The following ERC2 variants were observed in gnomAD, a reference collection of about 807,000 sequenced individuals.
The protein encoded by ERC2 is ELKS/RAB6-interacting/CAST family member 2.
In ERC2, 42 loss-of-function variants were observed where a neutral mutation model predicts 114.8. The observed-to-expected ratio is 0.37, with a 90% CI of 0.29 to 0.47. The LOEUF is 0.47. Ranked by LOEUF, ERC2 falls within the 20% of genes least tolerant of loss-of-function variation. ERC2 has a pLI of 0.99. For synonymous variants in ERC2, 454 were observed against 425.5 expected (o/e 1.07, Z -0.82); for missense variants, 939 against 1,150.7 (o/e 0.82, Z 2.66).
chr3:55,576,336 TAAA>T (rs1202514816), intron 17 of ERC2, among the ~76,000 whole-genome samples: 88 of 150,446 alleles, frequency 5.8e-4, no homozygotes, highest in African/African-American at 2.1e-3. Flanking sequence ...AAATCCAAAA[TAAA>T]AACATTAATG....
Position 55,940,308 on chromosome 3 carries a change from GA to G in ERC2, c.2403+10116del, listed in dbSNP as rs923198209. 1.5e-4 allele frequency among the ~76,000 whole-genome samples: 22 copies of G among 151,182 alleles called. No homozygotes were observed. The South Asian group carries it at 4.2e-3, about 29-fold the overall frequency. On this transcript the variant is annotated intron_variant, in intron 13 of 17. Transcript: ENST00000288221. The stretch of plus-strand genomic sequence containing the variant: ...GTAGATGAGAAAACTGAGGCTTAGA[GA>G]AAAAAAAATCACTCGAGCCTAGACT...
chr3:55,981,672 G>A (rs564603346), intron 12 of ERC2, among the ~76,000 whole-genome samples: 38 of 152,298 alleles, frequency 2.5e-4, no homozygotes, highest in Non-Finnish European at 4.3e-4. Flanking sequence ...AAGTTCAGAT[G>A]AAGATCTTTT....
chr3:56,243,228 C>T (rs1291538805), intron 3 of ERC2, among the ~76,000 whole-genome samples: 1 of 152,158 alleles, frequency 6.6e-6, no homozygotes, highest in Non-Finnish European at 1.5e-5. Context: ...ATCTGTTGGG[C>T]ATGTTCTCTG....
intron 4 of ERC2, among the ~76,000 whole-genome samples, chr3:56,154,732 T>C (rs2081602024): frequency 6.6e-6 from 1 of 152,152 alleles, no homozygotes; most frequent in Non-Finnish European, 1.5e-5. Context: ...TGGATGCAAA[T>C]CCTAGTTCAG....
chr3:56,198,723 A>G (rs1417551123), intron 3 of ERC2, among the ~76,000 whole-genome samples: 1 of 152,228 alleles, frequency 6.6e-6, no homozygotes, highest in African/African-American at 2.4e-5. Context: ...AAATATGCCC[A>G]GTTGGCAGTG....
intron 3 of ERC2, among the ~76,000 whole-genome samples, chr3:56,209,623 A>G (rs1386930913): frequency 6.6e-6 from 1 of 152,202 alleles, no homozygotes; most frequent in Non-Finnish European, 1.5e-5. Flanking sequence ...AAAGGGATTC[A>G]GAAGGAAGAG....
intron 3 of ERC2, among the ~76,000 whole-genome samples, chr3:56,260,010 A>C (rs902760668): frequency 2.6e-5 from 4 of 152,194 alleles, no homozygotes; most frequent in Non-Finnish European, 5.9e-5. Context: ...CTTGGATTCC[A>C]TAAGCTTCCT....
At chr3:55,830,606 T>C (rs749487489) in intron 14 of ERC2, among the ~76,000 whole-genome samples, 2 of 152,140 alleles carry the variant, frequency 1.3e-5, no homozygotes, top group Non-Finnish European at 2.9e-5. Flanking sequence ...AAGTAGACTA[T>C]GAAAGGTTAG....
At chr3:56,256,341 A>T (rs1466340168) in intron 3 of ERC2, among the ~76,000 whole-genome samples, 4 of 152,224 alleles carry the variant, frequency 2.6e-5, no homozygotes, top group Non-Finnish European at 1.5e-5. Context: ...AGTACTGAAT[A>T]ACAGAGAGTT....
At chr3:55,580,400 C>T (rs983169710) in intron 17 of ERC2, among the ~76,000 whole-genome samples, 2 of 152,142 alleles carry the variant, frequency 1.3e-5, no homozygotes, top group African/African-American at 2.4e-5. Context: ...TGTCAGGAAA[C>T]TCTGGAAGAA....
At position 55,840,670 on chromosome 3, in the gene ERC2, C is replaced by T. The variant is rs565932455; in HGVS notation, c.2564+47719G>A. ...AAGAAAACATTTGTGCATAAAAAGG[C>T]TTATAGAGGAATGGTCATAGTTATT... On this transcript the variant is annotated intron_variant, in intron 14 of 17. Coordinates refer to ENST00000288221, the MANE Select transcript of ERC2 (RefSeq NM_015576.3). 6.6e-5 allele frequency among the ~76,000 whole-genome samples: 10 copies of T among 152,068 alleles called. No homozygotes were observed. The South Asian group carries it at 2.1e-3, about 32-fold the overall frequency.
chr3:56,397,547 T>C (rs1227932210), intron 2 of ERC2, among the ~76,000 whole-genome samples: 1 of 152,192 alleles, frequency 6.6e-6, no homozygotes, highest in Non-Finnish European at 1.5e-5. Context: ...CTGTTTCATA[T>C]TGGTACATAC....
chr3:56,032,868 A>G (rs1323741609), intron 7 of ERC2, among the ~76,000 whole-genome samples: 1 of 117,588 alleles, frequency 8.5e-6, no homozygotes, highest in Non-Finnish European at 1.9e-5. Flanking sequence ...GGAAAGAAAG[A>G]AAGAAAGAAA....
At chr3:55,593,890 C>G (rs2058017626) in intron 17 of ERC2, among the ~76,000 whole-genome samples, 2 of 152,208 alleles carry the variant, frequency 1.3e-5, no homozygotes, top group African/African-American at 2.4e-5. Flanking sequence ...TTCACCCCTT[C>G]TTCTCTCAAG....
intron 6 of ERC2, among the ~76,000 whole-genome samples, chr3:56,081,628 TA>T (rs887031843): frequency 6.6e-6 from 1 of 151,362 alleles, no homozygotes; most frequent in African/African-American, 2.4e-5. Context: ...CTCTAAAATT[TA>T]AAAAAAATAT....
At chr3:56,370,052 T>C (rs2059305665) in intron 2 of ERC2, among the ~76,000 whole-genome samples, 1 of 152,186 alleles carries the variant, frequency 6.6e-6, no homozygotes, top group African/African-American at 2.4e-5. Context: ...TTAGGAATCA[T>C]ATTCCAAGAC....
At chr3:55,727,915 C>T (rs1008229478) in intron 15 of ERC2, among the ~76,000 whole-genome samples, 1 of 152,134 alleles carries the variant, frequency 6.6e-6, no homozygotes, top group Non-Finnish European at 1.5e-5. Flanking sequence ...TGCAATGTGG[C>T]AAGAAAGGGC....
intron 14 of ERC2, among the ~76,000 whole-genome samples, chr3:55,792,093 G>A (rs983301938): frequency 6.6e-6 from 1 of 152,144 alleles, no homozygotes; most frequent in Non-Finnish European, 1.5e-5. Context: ...CTAAATCTTG[G>A]TGGAAGTCAA....
intron 17 of ERC2, among the ~76,000 whole-genome samples, chr3:55,679,143 C>T (rs2061943593): frequency 6.6e-6 from 1 of 152,214 alleles, no homozygotes; most frequent in Non-Finnish European, 1.5e-5. Flanking sequence ...TCTACCTCGC[C>T]ATAAAAGGCC....
Sources: allele counts gnomAD v4.1 joint callset (sites outside exome capture counted in the v4.1 genomes callset), GRCh38; gene constraint gnomAD v4.1.1; transcripts MANE v1.5; gene names NCBI Gene and HGNC (gene_info 2026-07-23, HGNC 2026-07-21).